RNF214: variants seen among roughly 807,000 people sequenced by gnomAD.
RNF214 encodes the protein ring finger protein 214.
Under a neutral mutation model 75.9 loss-of-function variants are expected in RNF214, and 25 were observed. That is an observed-to-expected ratio of 0.33 (90% CI 0.24 to 0.46). The LOEUF (loss-of-function observed/expected upper bound fraction) is 0.46. Ranked by LOEUF, RNF214 falls within the 20% of genes least tolerant of loss-of-function variation. RNF214 has a pLI of 1.00. For missense variants in RNF214, 725 were observed against 857.5 expected (o/e 0.85, Z 1.93); for synonymous variants, 314 against 308.8 (o/e 1.02, Z -0.18).
intron 6 of RNF214, among the ~76,000 whole-genome samples, chr11:117,256,269 G>A (rs1420150382): frequency 6.6e-6 from 1 of 152,142 alleles, no homozygotes; most frequent in Non-Finnish European, 1.5e-5. Context: ...TATATAGTTA[G>A]CTTCTTGAGG....
intron 6 of RNF214, among the ~76,000 whole-genome samples, chr11:117,277,169 C>T (rs2034030735): frequency 6.6e-6 from 1 of 151,942 alleles, no homozygotes; most frequent in Non-Finnish European, 1.5e-5. Flanking sequence ...ATGGCAAAAC[C>T]CTGTTTCTAC....
intron 6 of RNF214, among the ~76,000 whole-genome samples, chr11:117,247,494 CTT>C (rs1370399371): frequency 6.6e-6 from 1 of 151,992 alleles, no homozygotes; most frequent in Non-Finnish European, 1.5e-5. Context: ...GACCTTGTCT[CTT>C]AAAAAAAAAT....
chr11:117,281,538 G>C, intron 9 of RNF214, 62 bp from the exon 10 acceptor site: 1 of 1,434,172 alleles, frequency 7.0e-7, no homozygotes, highest in East Asian at 2.3e-5. Flanking sequence ...ATAATGGATG[G>C]TGCTGTCTTT....
intron 6 of RNF214, among the ~76,000 whole-genome samples, chr11:117,250,613 T>TA (rs1396429329): frequency 1.3e-5 from 2 of 149,806 alleles, no homozygotes; most frequent in African/African-American, 4.9e-5. Flanking sequence ...TTATTTATTT[T>TA]TTTTTTAATT....
intron 4 of RNF214, 52 bp from the exon 5 acceptor site, chr11:117,244,393 G>A: frequency 6.5e-7 from 1 of 1,528,344 alleles, no homozygotes; most frequent in Middle Eastern, 1.7e-4. Context: ...ACTGGTGAAT[G>A]TTTCTTGTGA....
chr11:117,276,251 CAT>C (rs1485126790), intron 6 of RNF214, among the ~76,000 whole-genome samples: 1 of 152,032 alleles, frequency 6.6e-6, no homozygotes. Context: ...TAATAAAAGC[CAT>C]ATATGACAAA....
At position 117,246,961 on chromosome 11, in the gene RNF214, A is replaced by C; in HGVS notation, c.959+13A>C. 6.3e-7 allele frequency: 1 copy of C among 1,597,092 alleles called. No individual in the cohort carries two copies. The highest frequency in any genetic ancestry group is 8.5e-7 in the Non-Finnish European group (1 of 1,172,774). ...AGAAGGGCAGAAGGTAACTGATGTT[A>C]AGAATAAAAACCCTGTGTGTATGTA... is the stretch of plus-strand genomic sequence containing the variant. On this transcript the variant is annotated intron_variant, in intron 6 of 14. Transcript: ENST00000300650.
At chr11:117,264,901 T>C (rs1565341694) in intron 6 of RNF214, among the ~76,000 whole-genome samples, 1 of 151,530 alleles carries the variant, frequency 6.6e-6, no homozygotes, top group Non-Finnish European at 1.5e-5. Context: ...TCGTCTCTAC[T>C]AAAAATAAAA....
chr11:117,277,611 G>C (rs2034039316), intron 6 of RNF214, among the ~76,000 whole-genome samples: 2 of 152,206 alleles, frequency 1.3e-5, no homozygotes, highest in Non-Finnish European at 2.9e-5. Context: ...CTGTTAAGTA[G>C]ATTGCTCTCT....
intron 6 of RNF214, among the ~76,000 whole-genome samples, chr11:117,276,193 T>A (rs2034012824): frequency 6.6e-6 from 1 of 151,678 alleles, no homozygotes; most frequent in African/African-American, 2.4e-5. Flanking sequence ...CCCTTTGTGG[T>A]AAAAAAAACC....
intron 6 of RNF214, among the ~76,000 whole-genome samples, chr11:117,272,310 A>G (rs1022631256): frequency 2.6e-5 from 4 of 152,168 alleles, no homozygotes; most frequent in African/African-American, 4.8e-5. Context: ...CCGTGTGTTA[A>G]TATGGTTTAA....
At position 117,282,859 on chromosome 11, in the gene RNF214, CTT is replaced by C. The variant is rs1456544719; in HGVS notation, c.1950+13_1950+14del. 2.5e-6 allele frequency: 4 copies of C among 1,595,052 alleles called. No individual in the cohort carries two copies. The highest frequency in any genetic ancestry group is 2.2e-5 in the East Asian group (1 of 44,780). On this transcript the variant is annotated intron_variant, in intron 13 of 14. Coordinates refer to ENST00000300650, the MANE Select transcript of RNF214 (RefSeq NM_207343.4). Reference sequence around the variant, plus strand: ...CTGGAAGGTCTTCACATGTAAGACTCTTTTTCTTTGAACACTGTGATATGGAG... The same window carrying C: ...CTGGAAGGTCTTCACATGTAAGACTCTTTCTTTGAACACTGTGATATGGAG...
chr11:117,263,750 CAT>C (rs1343058075), intron 6 of RNF214: 1 of 162,296 alleles, frequency 6.2e-6, no homozygotes, highest in Non-Finnish European at 1.3e-5. Flanking sequence ...GGGGAAGAAA[CAT>C]ATGGTGAATA....
intron 6 of RNF214, among the ~76,000 whole-genome samples, chr11:117,249,163 G>A (rs956838595): frequency 3.9e-5 from 6 of 152,128 alleles, no homozygotes; most frequent in African/African-American, 1.4e-4. Context: ...GGCTTCAAGC[G>A]ATCCACCTGC....
In RNF214 at chr11:117,244,864, G is replaced by T. The variant is rs868505719; in HGVS notation, c.819+279G>T. Among the ~76,000 whole-genome samples the T allele has an allele frequency of 9.2e-5, 14 of 151,574 alleles. No individual in the cohort carries two copies. The South Asian group carries it at 2.3e-3, about 25-fold the overall frequency. On this transcript the variant is annotated intron_variant, in intron 5 of 14. Transcript: ENST00000300650. ...GTATTTTTGGTAGAGACGGGGTTTT[G>T]TCATGTTGCCCAGGCTGGTCTTGAA...
chr11:117,234,409 T>A (rs1261660281), intron 2 of RNF214, 30 bp downstream of exon 2: 1 of 1,504,234 alleles, frequency 6.6e-7, no homozygotes, highest in Middle Eastern at 1.7e-4. Context: ...CTGGGAAGAT[T>A]CATTTGGGTA....
chr11:117,267,197 C>T (rs968340761), intron 6 of RNF214, among the ~76,000 whole-genome samples: 2 of 151,976 alleles, frequency 1.3e-5, no homozygotes, highest in African/African-American at 4.8e-5. Flanking sequence ...GTGGCTTGCC[C>T]TTGCATTTTT....
intron 5 of RNF214, among the ~76,000 whole-genome samples, 177 bp downstream of exon 5, chr11:117,244,762 C>T (rs1027143685): frequency 5.9e-5 from 9 of 151,758 alleles, no homozygotes; most frequent in Non-Finnish European, 1.3e-4. Flanking sequence ...GTCTCCTGGG[C>T]TTAAGTGATC....
intron 14 of RNF214, 42 bp downstream of exon 14, chr11:117,283,252 C>A: frequency 1.6e-6 from 2 of 1,290,220 alleles, no homozygotes; most frequent in Non-Finnish European, 2.2e-6. Context: ...ACTTTTTCTT[C>A]TGACAGCTAA....
Sources: allele counts gnomAD v4.1 joint callset (sites outside exome capture counted in the v4.1 genomes callset), GRCh38; gene constraint gnomAD v4.1.1; transcripts MANE v1.5; gene names NCBI Gene and HGNC (gene_info 2026-07-23, HGNC 2026-07-21).